The following PCDH7 variants were observed in gnomAD, a reference collection of about 807,000 sequenced individuals.
The protein encoded by PCDH7 is protocadherin-7.
A neutral mutation model predicts 58.9 loss-of-function variants in PCDH7; 17 were observed. That is an observed-to-expected ratio of 0.29 (90% confidence interval 0.20 to 0.43). The LOEUF (loss-of-function observed/expected upper bound fraction) is 0.43, where lower values mean the gene tolerates loss of function less well. Among genes scored for constraint, PCDH7 ranks in the 20% least tolerant of loss-of-function variants. The pLI, the probability that PCDH7 is intolerant of heterozygous loss-of-function variation, is 1.00. For missense variants in PCDH7, 1,274 were observed against 1,441.0 expected (o/e 0.88, Z 1.88); for synonymous variants, 664 against 616.4 (o/e 1.08, Z -1.14).
At chr4:30,805,175 T>C (rs905295578) in intron 1 of PCDH7, among the ~76,000 whole-genome samples, 1 of 152,208 alleles carries the variant, frequency 6.6e-6, no homozygotes, top group Non-Finnish European at 1.5e-5. Context: ...CTATGTCTTA[T>C]AGTGCCCCCA....
chr4:31,102,395 G>A (rs1715004524), intron 3 of PCDH7, among the ~76,000 whole-genome samples: 2 of 151,978 alleles, frequency 1.3e-5, no homozygotes, highest in South Asian at 2.1e-4. Context: ...TAGATTTAAC[G>A]TGAAAATGAA....
At chr4:31,008,049 A>T (rs1752913907) in intron 3 of PCDH7, among the ~76,000 whole-genome samples, 2 of 152,142 alleles carry the variant, frequency 1.3e-5, no homozygotes, top group South Asian at 4.1e-4. Context: ...GTCGACAATA[A>T]ACAGAAACAG....
chr4:30,969,187 C>G (rs142347924), intron 3 of PCDH7, among the ~76,000 whole-genome samples: 162 of 152,262 alleles, frequency 1.1e-3, no homozygotes, highest in Non-Finnish European at 1.9e-3. Context: ...CCTGAATGTT[C>G]CATGCCCTTG....
chr4:31,140,608 T>TAAAAAAAAAAAAA (rs34075687), intron 3 of PCDH7, among the ~76,000 whole-genome samples: 1 of 119,702 alleles, frequency 8.4e-6, no homozygotes. Flanking sequence ...TAGGTCAGGT[T>TAAAAAAAAAAAAA]AAAAAAAAAA....
At chr4:31,084,896 G>A (rs754578517) in intron 3 of PCDH7, among the ~76,000 whole-genome samples, 3 of 152,002 alleles carry the variant, frequency 2.0e-5, no homozygotes, top group East Asian at 1.9e-4. Context: ...GCACTAAGCC[G>A]TTCATGAAGG....
chr4:30,813,058 A>G (rs1033854466), intron 1 of PCDH7, among the ~76,000 whole-genome samples: 7 of 152,180 alleles, frequency 4.6e-5, no homozygotes, highest in African/African-American at 1.2e-4. Context: ...TTGCAGATCA[A>G]TCTTAGCCTA....
intron 3 of PCDH7, among the ~76,000 whole-genome samples, chr4:30,980,274 T>A (rs10001121): frequency 0.011 from 1,696 of 152,302 alleles, 26 homozygotes; most frequent in African/African-American, 0.037. Context: ...ATAAGAGTAA[T>A]AATTTAAAGT....
chr4:30,877,568 G>T (rs927968407), intron 1 of PCDH7, among the ~76,000 whole-genome samples: 1 of 152,188 alleles, frequency 6.6e-6, no homozygotes, highest in Non-Finnish European at 1.5e-5. Context: ...CTATCCCTCT[G>T]TCTCCTTCCG....
intron 1 of PCDH7, among the ~76,000 whole-genome samples, chr4:30,778,213 T>A (rs1722321834): frequency 6.6e-6 from 1 of 152,130 alleles, no homozygotes; most frequent in Non-Finnish European, 1.5e-5. Context: ...AGCCAATTAT[T>A]TGTAGCACAT....
At chr4:30,906,601 A>G (rs1453542376) in intron 1 of PCDH7, among the ~76,000 whole-genome samples, 1 of 152,236 alleles carries the variant, frequency 6.6e-6, no homozygotes, top group Non-Finnish European at 1.5e-5. Context: ...ATACAATTGA[A>G]GAACTATAAA....
chr4:30,997,623 C>T (rs1300083348), intron 3 of PCDH7, among the ~76,000 whole-genome samples: 2 of 152,068 alleles, frequency 1.3e-5, no homozygotes, highest in Admixed American at 1.3e-4. Flanking sequence ...TTGATTTAGA[C>T]ATTTGTGTCT....
chr4:30,802,221 A>G (rs961053270), intron 1 of PCDH7, among the ~76,000 whole-genome samples: 1 of 152,200 alleles, frequency 6.6e-6, no homozygotes. Flanking sequence ...CATTCAGATC[A>G]AGAAAACTGA....
chr4:30,816,081 C>G (rs902730050), intron 1 of PCDH7, among the ~76,000 whole-genome samples: 3 of 152,050 alleles, frequency 2.0e-5, no homozygotes, highest in Admixed American at 6.6e-5. Flanking sequence ...TTATTAATTT[C>G]CATTATTTTA....
At chr4:31,016,720 A>G (rs1029620236) in intron 3 of PCDH7, among the ~76,000 whole-genome samples, 22 of 152,300 alleles carry the variant, frequency 1.4e-4, no homozygotes, top group African/African-American at 5.3e-4. Flanking sequence ...TTTCATTGAA[A>G]AGACTCTTAC....
At chr4:31,067,527 C>A (rs1484995478) in intron 3 of PCDH7, among the ~76,000 whole-genome samples, 1 of 151,700 alleles carries the variant, frequency 6.6e-6, no homozygotes, top group Admixed American at 6.6e-5. Flanking sequence ...AATAGGTGAT[C>A]GTACTTAGCA....
intron 1 of PCDH7, among the ~76,000 whole-genome samples, chr4:30,788,655 C>T (rs746111948): frequency 1.2e-4 from 18 of 152,054 alleles, no homozygotes; most frequent in Admixed American, 5.2e-4. Context: ...ACACTCTCTA[C>T]AGCTTTACGA....
At chr4:30,839,946 A>C (rs1195866889) in intron 1 of PCDH7, among the ~76,000 whole-genome samples, 1 of 152,056 alleles carries the variant, frequency 6.6e-6, no homozygotes, top group African/African-American at 2.4e-5. Context: ...TTCCATTGCC[A>C]AAGCCCTTAG....
Position 30,944,419 on chromosome 4 carries a change from A to T in PCDH7, c.288-5701A>T, listed in dbSNP as rs551698402. ...TAAAAGTGTTTTTATTTTAATGTTGAATATGATGAATATCAGCAGATATAC... is the reference window on the plus strand; with the variant it reads ...TAAAAGTGTTTTTATTTTAATGTTGTATATGATGAATATCAGCAGATATAC... On this transcript the variant is annotated intron_variant, in intron 2 of 3. Transcript: ENST00000509759. Among the ~76,000 whole-genome samples the T allele has an allele frequency of 4.5e-4, 68 of 152,264 alleles. No homozygotes were observed. The South Asian group carries it at 8.9e-3, about 20-fold the overall frequency.
intron 2 of PCDH7, among the ~76,000 whole-genome samples, chr4:30,937,845 A>C (rs1183672029): frequency 6.6e-6 from 1 of 151,952 alleles, no homozygotes; most frequent in East Asian, 1.9e-4. Flanking sequence ...AGGAACACAC[A>C]TGCAGAAAAG....
Sources: allele counts gnomAD v4.1 joint callset (sites outside exome capture counted in the v4.1 genomes callset), GRCh38; gene constraint gnomAD v4.1.1; transcripts MANE v1.5; gene names NCBI Gene and HGNC (gene_info 2026-07-23, HGNC 2026-07-21).